NKX2-8: variants seen among roughly 807,000 people sequenced by gnomAD.
The protein encoded by NKX2-8 is NK2 homeobox 8.
A neutral mutation model predicts 6.4 loss-of-function variants in NKX2-8; 8 were observed. The observed-to-expected ratio is 1.24, with a 90% CI of 0.73 to 2.24. NKX2-8 has a LOEUF of 2.24. Among genes scored for constraint, NKX2-8 ranks in the 30% most tolerant of loss-of-function variants. The pLI is 0.00. For synonymous variants in NKX2-8, 216 were observed against 171.5 expected (o/e 1.26, Z -2.03); for missense variants, 406 against 351.1 (o/e 1.16, Z -1.25).
chr14:36,582,219 C>T lies in NKX2-8; in HGVS notation c.157+14G>A, dbSNP rs778304353. On this transcript the variant is annotated intron_variant, in intron 1 of 1. Coordinates refer to ENST00000258829, the MANE Select transcript of NKX2-8 (RefSeq NM_014360.4). ...CTACCTCCCACCCCGCACCGCAATC[C>T]ACCACGCACTTACAAGGGTAGTGGC... 11 of 1,603,274 alleles carry T rather than the reference C, an allele frequency of 6.9e-6. No homozygotes were observed. The highest frequency in any genetic ancestry group is 9.4e-6 in the Non-Finnish European group (11 of 1,173,716).
Position 36,580,866 on chromosome 14 carries a change from A to G in NKX2-8, c.*36T>C. On this transcript the variant is annotated 3_prime_UTR_variant, in exon 2 of 2. Coordinates refer to ENST00000258829, the MANE Select transcript of NKX2-8 (RefSeq NM_014360.4). ...CTGCTCCAATCGCAGAGCGCGCTCC[A>G]AAGTCGAGGGTAGCCCCAGGTGCCG... 1 of 1,269,744 alleles carries G rather than the reference A, an allele frequency of 7.9e-7. No homozygotes were observed. Among genetic ancestry groups the G allele is most frequent in the Non-Finnish European group, 9.9e-7 (1 of 1,008,530 alleles). The allele number at this position is 1,269,744 out of a possible 1,614,324, so 78.7% of individuals were successfully genotyped here. A position where few individuals can be genotyped will look rare whatever the true frequency, so the allele number is the denominator to read the frequency against.
At chr14:36,582,040 T>A (rs753086755) in intron 1 of NKX2-8, among the ~76,000 whole-genome samples, 193 bp downstream of exon 1, 1 of 152,140 alleles carries the variant, frequency 6.6e-6, no homozygotes, top group Non-Finnish European at 1.5e-5. Context: ...CAGGCAGGGA[T>A]CTGCTCTTAG....
At position 36,581,843 on chromosome 14, in the gene NKX2-8, TG is replaced by T. The variant is rs1178509917; in HGVS notation, c.158-380del. ...TGCGGAGCCCTGAGTGGGAACGGGG[TG>T]GGGGTAAACTCGCCAACACTGGCCA... is the stretch of plus-strand genomic sequence containing the variant. On this transcript the variant is annotated intron_variant, in intron 1 of 1. Coordinates refer to ENST00000258829, the MANE Select transcript of NKX2-8 (RefSeq NM_014360.4). The surrounding 1 kb of genome is among the most constrained non-coding windows in gnomAD (Gnocchi z 5.6). 1.7e-5 allele frequency among the ~76,000 whole-genome samples: 2 copies of T among 118,374 alleles called. No homozygotes were observed. Among genetic ancestry groups the T allele is most frequent in the Admixed American group, 2.4e-4 (2 of 8,240 alleles). 77.7% of individuals were successfully genotyped at this position (118,374 alleles called of 152,430 possible). A position where few individuals can be genotyped will look rare whatever the true frequency, so the allele number is the denominator to read the frequency against.
chr14:36,581,531 G>T lies in NKX2-8; in HGVS notation c.158-67C>A. 1 of 1,410,446 alleles carries T rather than the reference G, an allele frequency of 7.1e-7. No homozygotes were observed. Among genetic ancestry groups the T allele is most frequent in the Non-Finnish European group, 9.4e-7 (1 of 1,061,096 alleles). 87.4% of individuals were successfully genotyped at this position (1,410,446 alleles called of 1,614,324 possible). A position where few individuals can be genotyped will look rare whatever the true frequency, so the allele number is the denominator to read the frequency against. ...CCCTACGAGGGCCTGCTGCCCTTCT[G>T]GCGCGGGCGTGGAGGCACTGGCCAG... On this transcript the variant is annotated intron_variant, in intron 1 of 1. Transcript: ENST00000258829. The surrounding 1 kb of genome is among the most constrained non-coding windows in gnomAD (Gnocchi z 5.6).
At position 36,582,246 on chromosome 14, in the gene NKX2-8, G is replaced by C. The variant is rs551014954; in HGVS notation, c.144C>G (p.Arg48=). The change falls in exon 1 of 2, where the codon CGC becomes CGG. Residue 48 remains arginine (R), a synonymous_variant. Transcript: ENST00000258829. ...DPCAAWLDSE[R]GHYPSSDESS... is the part of the protein sequence containing the mutation. ...CCACGCACTTACAAGGGTAGTGGCCGCGCTCCGAATCCAGCCAGGCGGCGC... is the reference window on the plus strand; with the variant it reads ...CCACGCACTTACAAGGGTAGTGGCCCCGCTCCGAATCCAGCCAGGCGGCGC... 6.2e-6 allele frequency: 10 copies of C among 1,608,454 alleles called. No individual in the cohort carries two copies. In the South Asian group the frequency reaches 1.1e-4, roughly 18 times the overall value.
intron 1 of NKX2-8, 83 bp downstream of exon 1, chr14:36,582,150 G>C: frequency 7.1e-7 from 1 of 1,416,142 alleles, no homozygotes; most frequent in Non-Finnish European, 9.5e-7. Flanking sequence ...TCGGCTTTCC[G>C]GCCCCTCGTG....
In NKX2-8 at chr14:36,581,250, C is replaced by T. The variant is rs779524093; in HGVS notation, c.372G>A (p.Thr124=). ...GGAACCAGATCTTGACCTGCGTGGG[C>T]GTGAGGCGAAGCAGGCTCGCCAGCT... ...REQLASLLRL[T]PTQVKIWFQN... The change falls in exon 2 of 2, where the codon ACG becomes ACA. Residue 124 remains threonine, a synonymous_variant. Transcript: ENST00000258829. The surrounding 1 kb of genome is among the most constrained non-coding windows in gnomAD (Gnocchi z 5.6). 1.2e-5 allele frequency: 20 copies of T among 1,610,142 alleles called. No homozygotes were observed. The South Asian group carries it at 1.7e-4, about 13-fold the overall frequency.
In NKX2-8 at chr14:36,581,314, A is replaced by G. The variant is rs1456388822; in HGVS notation, c.308T>C (p.Phe103Ser). The G allele has an allele frequency of 5.0e-6, 8 of 1,587,712 alleles. No individual in the cohort carries two copies. The highest frequency in any genetic ancestry group is 4.3e-6 in the Non-Finnish European group (5 of 1,167,840). Reference protein sequence around the residue: ...KAQTLELERRFRQQRYLSAPE... With the variant: ...KAQTLELERRSRQQRYLSAPE... ...CGCAGACAGGTACCGCTGCTGCCGGAAGCGCCGCTCCAACTCCAGCGTCTG... is the reference window on the plus strand; with the variant it reads ...CGCAGACAGGTACCGCTGCTGCCGGGAGCGCCGCTCCAACTCCAGCGTCTG... The change falls in exon 2 of 2, where the codon TTC becomes TCC. Residue 103 changes from phenylalanine (F) to serine (S), a missense_variant. By Grantham distance (155) the Phe-to-Ser change is radical. Coordinates refer to ENST00000258829, the MANE Select transcript of NKX2-8 (RefSeq NM_014360.4). This position sits in a 1 kb window ranked among gnomAD's most constrained non-coding sequence, Gnocchi z 5.6.
rs1459833649 is a variant in NKX2-8, at chr14:36,581,044, G to A, written c.578C>T (p.Ala193Val). ...GGGGGEVGTA[A>V]AQEKCGAPPA... The stretch of plus-strand genomic sequence containing the variant: ...AGGGGCGCCGCACTTCTCCTGGGCC[G>A]CGGCGGTTCCCACCTCGCCACCGCC... Residue 193 changes from alanine to valine, a missense_variant, in exon 2 of 2, where the codon GCG becomes GTG. Physicochemically the swap from Ala to Val is moderately conservative, Grantham distance 64. Transcript: ENST00000258829. The surrounding 1 kb of genome is among the most constrained non-coding windows in gnomAD (Gnocchi z 5.6). The A allele has an allele frequency of 2.2e-6, 3 of 1,367,640 alleles. No homozygotes were observed. Among genetic ancestry groups the A allele is most frequent in the Non-Finnish European group, 1.9e-6 (2 of 1,072,330 alleles). 84.7% of individuals were successfully genotyped at this position (1,367,640 alleles called of 1,614,324 possible). A position where few individuals can be genotyped will look rare whatever the true frequency, so the allele number is the denominator to read the frequency against.
rs757914128 is a variant in NKX2-8, at chr14:36,581,344, T to G, written c.278A>C (p.Lys93Thr). 2.5e-6 allele frequency: 4 copies of G among 1,573,054 alleles called. No homozygotes were observed. The Admixed American group carries it at 7.4e-5, about 29-fold the overall frequency. Residue 93 changes from lysine (K) to threonine (T), a missense_variant, in exon 2 of 2, where the codon AAG becomes ACG. Coordinates refer to ENST00000258829, the MANE Select transcript of NKX2-8 (RefSeq NM_014360.4). The surrounding 1 kb of genome is among the most constrained non-coding windows in gnomAD (Gnocchi z 5.6). ...KRKKRRVLFS[K>T]AQTLELERRF... ...CCGCTCCAACTCCAGCGTCTGCGCC[T>G]TGGAGAATAGCACCCGCCGCTTCTT...
Position 36,580,164 on chromosome 14 carries a change from C to T in NKX2-8, c.*738G>A, listed in dbSNP as rs1200809868. 6.6e-6 allele frequency among the ~76,000 whole-genome samples: 1 copy of T among 152,174 alleles called. No homozygotes were observed. Among genetic ancestry groups the T allele is most frequent in the Admixed American group, 6.5e-5 (1 of 15,284 alleles). On this transcript the variant is annotated 3_prime_UTR_variant, in exon 2 of 2. Transcript: ENST00000258829. ...TGGGCTGCTCCGGTGCAGCGCGCCC[C>T]GCACCTGGCCTCGCCGGCTCATCTC...
rs1043525593 is a variant in NKX2-8, at chr14:36,581,400, G to A, written c.222C>T (p.Pro74=). The change falls in exon 2 of 2, where the codon CCC becomes CCT. Residue 74 remains proline (P), a synonymous_variant. Coordinates refer to ENST00000258829, the MANE Select transcript of NKX2-8 (RefSeq NM_014360.4). The surrounding 1 kb of genome is among the most constrained non-coding windows in gnomAD (Gnocchi z 5.6). The part of the protein sequence containing the change: ...PDSSQRPSAR[P]ASPGSDAEKR... ...TCTCGGCGTCCGAGCCCGGAGACGC[G>A]GGCCTAGCGGACGGCCGCTGCGACG... The A allele has an allele frequency of 3.8e-6, 6 of 1,595,664 alleles. No individual in the cohort carries two copies. The highest frequency in any genetic ancestry group is 1.3e-5 in the African/African-American group (1 of 74,696).
chr14:36,582,555 C>T lies in NKX2-8; in HGVS notation c.-166G>A. ...GTTTATATAAACAGCTCTTCCCACC[C>T]AGGCCGCTTTGAAAGCCGAGGTCCG... On this transcript the variant is annotated 5_prime_UTR_variant, in exon 1 of 2. Coordinates refer to ENST00000258829, the MANE Select transcript of NKX2-8 (RefSeq NM_014360.4). 1 of 641,876 alleles carries T rather than the reference C, an allele frequency of 1.6e-6. No homozygotes were observed. The highest frequency in any genetic ancestry group is 2.4e-6 in the Non-Finnish European group (1 of 412,368). The allele number at this position is 641,876 out of a possible 1,614,324, so 39.8% of individuals were successfully genotyped here. A position where few individuals can be genotyped will look rare whatever the true frequency, so the allele number is the denominator to read the frequency against.
rs771024456 is a variant in NKX2-8 at position 36,582,327 on chromosome 14, G to T, written c.63C>A (p.Asp21Glu). ...VRSLLDLPEQ[D>E]AQHLPRREPE... Reference sequence around the variant, plus strand: ...GCTCCCGCCTCGGCAGGTGTTGCGCGTCCTGCTCGGGTAAATCTAGAAGGC... The same window carrying T: ...GCTCCCGCCTCGGCAGGTGTTGCGCTTCCTGCTCGGGTAAATCTAGAAGGC... The change falls in exon 1 of 2, where the codon GAC (aspartate) becomes GAA (glutamate). Residue 21 changes from aspartate to glutamate, a missense_variant. Physicochemically the swap from Asp to Glu is conservative, Grantham distance 45 (BLOSUM62 2). Transcript: ENST00000258829. 2 of 1,606,798 alleles carry T rather than the reference G, an allele frequency of 1.2e-6. No homozygotes were observed. Among genetic ancestry groups the T allele is most frequent in the South Asian group, 1.1e-5 (1 of 90,322 alleles).
chr14:36,581,697 C>T lies in NKX2-8; in HGVS notation c.158-233G>A, dbSNP rs1309366497. Among the ~76,000 whole-genome samples the T allele has an allele frequency of 7.2e-5, 11 of 152,204 alleles. No individual in the cohort carries two copies. Among genetic ancestry groups the T allele is most frequent in the Non-Finnish European group, 1.3e-4 (9 of 68,032 alleles). The stretch of plus-strand genomic sequence containing the variant: ...GCCTGAGATCGTGCCCCGAAAAAAC[C>T]CACCCCGGGGCCCTCTTAACATGTC... On this transcript the variant is annotated intron_variant, in intron 1 of 1. Transcript: ENST00000258829. This position sits in a 1 kb window ranked among gnomAD's most constrained non-coding sequence, Gnocchi z 5.6.
In NKX2-8 at chr14:36,582,272, A is replaced by T. The variant is rs780101279; in HGVS notation, c.118T>A (p.Cys40Ser). ...PEPRAPQPDP[C>S]AAWLDSERGH... ...CGCTCCGAATCCAGCCAGGCGGCGCAGGGGTCGGGCTGGGGGGCGCGTGGT... is the reference window on the plus strand; with the variant it reads ...CGCTCCGAATCCAGCCAGGCGGCGCTGGGGTCGGGCTGGGGGGCGCGTGGT... The change falls in exon 1 of 2, where the codon TGC (cysteine) becomes AGC (serine). Residue 40 changes from cysteine to serine, a missense_variant. Transcript: ENST00000258829. 3 of 1,608,408 alleles carry T rather than the reference A, an allele frequency of 1.9e-6. No individual in the cohort carries two copies. The highest frequency in any genetic ancestry group is 2.2e-5 in the South Asian group (2 of 90,504).
rs977930391 is a variant in NKX2-8 at position 36,580,827 on chromosome 14, G to C, written c.*75C>G. The C allele has an allele frequency of 9.1e-7, 1 of 1,096,934 alleles. No homozygotes were observed. Among genetic ancestry groups the C allele is most frequent in the Non-Finnish European group, 1.2e-6 (1 of 861,712 alleles). The allele number at this position is 1,096,934 out of a possible 1,614,324, so 68.0% of individuals were successfully genotyped here. A position where few individuals can be genotyped will look rare whatever the true frequency, so the allele number is the denominator to read the frequency against. ...GAGGCGGACGGAGAGCGTTCCAGGC[G>C]TTCGGCTCCGGCCCTGCTCCAATCG... On this transcript the variant is annotated 3_prime_UTR_variant, in exon 2 of 2. Transcript: ENST00000258829.
At position 36,581,061 on chromosome 14, in the gene NKX2-8, G is replaced by T. The variant is rs747170273; in HGVS notation, c.561C>A (p.Gly187=). The part of the protein sequence containing the change: ...DGQPCGGGGG[G]EVGTAAAQEK... ...CCTGGGCCGCGGCGGTTCCCACCTC[G>T]CCACCGCCGCCGCCGCCGCACGGCT... The change falls in exon 2 of 2, where the codon GGC becomes GGA. Residue 187 remains glycine (G), a synonymous_variant. Coordinates refer to ENST00000258829, the MANE Select transcript of NKX2-8 (RefSeq NM_014360.4). The surrounding 1 kb of genome is among the most constrained non-coding windows in gnomAD (Gnocchi z 5.6). The T allele has an allele frequency of 3.0e-5, 42 of 1,379,370 alleles. No homozygotes were observed. In the African/African-American group the frequency reaches 5.8e-4, roughly 19 times the overall value. The allele number at this position is 1,379,370 out of a possible 1,614,324, so 85.4% of individuals were successfully genotyped here. A position where few individuals can be genotyped will look rare whatever the true frequency, so the allele number is the denominator to read the frequency against.
chr14:36,582,441 G>T lies in NKX2-8; in HGVS notation c.-52C>A. ...CAGGGCAGGCTGGGAACGGAGGGGC[G>T]GCCGGGACGCCGCTCCTACGGATGG... On this transcript the variant is annotated 5_prime_UTR_variant, in exon 1 of 2. Coordinates refer to ENST00000258829, the MANE Select transcript of NKX2-8 (RefSeq NM_014360.4). 7.0e-7 allele frequency: 1 copy of T among 1,420,916 alleles called. No individual in the cohort carries two copies. The highest frequency in any genetic ancestry group is 9.3e-7 in the Non-Finnish European group (1 of 1,078,334). The allele number at this position is 1,420,916 out of a possible 1,614,324, so 88.0% of individuals were successfully genotyped here.
Sources: allele counts gnomAD v4.1 joint callset (sites outside exome capture counted in the v4.1 genomes callset), GRCh38; gene constraint gnomAD v4.1.1; non-coding constraint Gnocchi (gnomAD v3.1); transcripts MANE v1.5; gene names NCBI Gene and HGNC (gene_info 2026-07-23, HGNC 2026-07-21).